The following TSPAN14 variants were observed in gnomAD, a reference collection of about 807,000 sequenced individuals.
TSPAN14 encodes tetraspanin-14.
In TSPAN14, 16 loss-of-function variants were observed where a neutral mutation model predicts 36.6. That is an observed-to-expected ratio of 0.44 (90% CI 0.30 to 0.66). The LOEUF is 0.66. Among genes scored for constraint, TSPAN14 ranks in the 30% least tolerant of loss-of-function variants. The pLI is 0.12. For synonymous variants in TSPAN14, 139 were observed against 143.8 expected, an observed-to-expected ratio of 0.97 and a Z score of 0.24; for missense variants, 231 against 355.1, an observed-to-expected ratio of 0.65 and a Z score of 2.81.
At chr10:80,520,906 A>T in exon 9 of TSPAN14, 1 of 496,598 alleles carries the variant, frequency 2.0e-6, no homozygotes, top group South Asian at 1.5e-5. Flanking sequence ...GACCTCTCCC[A>T]TATGTCTGCT....
chr10:80,477,676 C>G (rs988059068), intron 1 of TSPAN14, among the ~76,000 whole-genome samples: 1 of 152,184 alleles, frequency 6.6e-6, no homozygotes, highest in African/African-American at 2.4e-5. Flanking sequence ...CCATCCCTTC[C>G]TTTCCTTCCA....
exon 9 of TSPAN14, chr10:80,518,046 C>CGTAG: frequency 6.7e-7 from 1 of 1,489,112 alleles, no homozygotes; most frequent in East Asian, 2.5e-5. Flanking sequence ...ATCAGCCCTA[C>CGTAG]GTCCAGAGGG....
chr10:80,459,626 TTC>T (rs985019267), intron 1 of TSPAN14: 28 of 152,886 alleles, frequency 1.8e-4, no homozygotes, highest in African/African-American at 6.5e-4. Flanking sequence ...CTAGTGAACC[TTC>T]TCTGGGTTTT....
intron 1 of TSPAN14, among the ~76,000 whole-genome samples, chr10:80,474,750 G>A (rs1012162586): frequency 3.3e-5 from 5 of 152,094 alleles, no homozygotes; most frequent in African/African-American, 1.2e-4. Context: ...GCAGGGTCAG[G>A]CCACATGGTT....
chr10:80,512,447 A>G (rs138291518), intron 6 of TSPAN14, among the ~76,000 whole-genome samples, 178 bp downstream of exon 6: 4 of 152,322 alleles, frequency 2.6e-5, no homozygotes, highest in African/African-American at 9.6e-5. Flanking sequence ...TGTACATTCT[A>G]GGAACACTGC....
chr10:80,487,343 G>T (rs982909454), intron 1 of TSPAN14, among the ~76,000 whole-genome samples: 2 of 152,000 alleles, frequency 1.3e-5, no homozygotes, highest in Non-Finnish European at 2.9e-5. Flanking sequence ...GGGACTTGTC[G>T]GAAATGCAGA....
chr10:80,466,749 C>T (rs912152821), intron 1 of TSPAN14, among the ~76,000 whole-genome samples: 1 of 152,146 alleles, frequency 6.6e-6, no homozygotes, highest in African/African-American at 2.4e-5. Flanking sequence ...GGGAAAAGCA[C>T]GGTCTCAAGA....
intron 1 of TSPAN14, 55 bp from the exon 2 acceptor site, chr10:80,489,162 G>A: frequency 8.2e-7 from 1 of 1,220,564 alleles, no homozygotes; most frequent in Non-Finnish European, 1.2e-6. Context: ...GCTGGTTTGG[G>A]GGAAAGGTTT....
chr10:80,480,494 G>A (rs936782317), intron 1 of TSPAN14, among the ~76,000 whole-genome samples: 3 of 152,084 alleles, frequency 2.0e-5, no homozygotes, highest in Non-Finnish European at 4.4e-5. Context: ...TGTTTATTAC[G>A]GCACTATTCA....
rs188496627 is a variant in TSPAN14, at chr10:80,493,030, A to G, written c.81+3716A>G. On this transcript the variant is annotated intron_variant, in intron 2 of 8. Transcript: ENST00000429989. ...ACAGAATGAGAATGGAATGGGCTTC[A>G]TGAGGTTCTTATCACAAGGATGTTA... is the stretch of plus-strand genomic sequence containing the variant. Among the ~76,000 whole-genome samples, 22 of 152,294 alleles carry G rather than the reference A, an allele frequency of 1.4e-4. No individual in the cohort carries two copies. In the East Asian group the frequency reaches 4.2e-3, roughly 29 times the overall value.
intron 1 of TSPAN14, among the ~76,000 whole-genome samples, chr10:80,483,119 G>T (rs1013603297): frequency 3.3e-5 from 5 of 152,204 alleles, no homozygotes; most frequent in Non-Finnish European, 7.3e-5. Flanking sequence ...AAAAGGGCAG[G>T]AGGGAGGAAT....
At chr10:80,504,117 C>T (rs1441931909) in intron 2 of TSPAN14, among the ~76,000 whole-genome samples, 1 of 152,210 alleles carries the variant, frequency 6.6e-6, no homozygotes, top group Non-Finnish European at 1.5e-5. Context: ...CCCAGCCTTT[C>T]CTGAGCATAG....
chr10:80,466,700 T>C (rs749745555), intron 1 of TSPAN14, among the ~76,000 whole-genome samples: 2 of 152,192 alleles, frequency 1.3e-5, no homozygotes, highest in African/African-American at 2.4e-5. Context: ...TAAAATATTT[T>C]AAAGAGGTTT....
intron 1 of TSPAN14, among the ~76,000 whole-genome samples, chr10:80,477,843 A>C (rs1847006322): frequency 1.3e-5 from 2 of 152,170 alleles, no homozygotes; most frequent in Admixed American, 1.3e-4. Context: ...CTTCTAGAAC[A>C]TTGACAGCCA....
intron 5 of TSPAN14, among the ~76,000 whole-genome samples, chr10:80,511,713 T>C (rs1288444828): frequency 5.4e-3 from 30 of 5,566 alleles, no homozygotes; most frequent in East Asian, 0.022. Flanking sequence ...GGGCAGGTCC[T>C]CTCTCTCTCT....
intron 2 of TSPAN14, among the ~76,000 whole-genome samples, chr10:80,500,661 T>C (rs1249054623): frequency 1.3e-5 from 2 of 152,090 alleles, no homozygotes; most frequent in African/African-American, 4.8e-5. Flanking sequence ...AAGTCCTTAT[T>C]CTTAGAGCTG....
intron 2 of TSPAN14, among the ~76,000 whole-genome samples, chr10:80,502,485 G>T (rs565289322): frequency 1.3e-5 from 2 of 152,310 alleles, no homozygotes; most frequent in South Asian, 4.1e-4. Flanking sequence ...CTGGAGGAAA[G>T]CTGGTCGAAT....
exon 9 of TSPAN14, chr10:80,520,654 T>C: frequency 1.9e-6 from 1 of 533,486 alleles, no homozygotes. Flanking sequence ...ATCGCTGGCC[T>C]TCCTTTCCCA....
Position 80,517,896 on chromosome 10 carries a change from T to A in TSPAN14, c.742-9T>A. ...CAATGGCCGCTGACTCTGCTGGTGT[T>A]GGTTTCAGATATTTGGCATCTTCCT... is the stretch of plus-strand genomic sequence containing the variant. On this transcript the variant is annotated splice_polypyrimidine_tract_variant and intron_variant, in intron 8 of 8. Coordinates refer to ENST00000429989, the Ensembl canonical transcript of TSPAN14. 6.4e-7 allele frequency: 1 copy of A among 1,560,482 alleles called. No individual in the cohort carries two copies. The highest frequency in any genetic ancestry group is 8.7e-7 in the Non-Finnish European group (1 of 1,151,004).
Sources: allele counts gnomAD v4.1 joint callset (sites outside exome capture counted in the v4.1 genomes callset), GRCh38; gene constraint gnomAD v4.1.1; transcripts MANE v1.5; gene names NCBI Gene and HGNC (gene_info 2026-07-23, HGNC 2026-07-21).